SYNGR1: variants seen among roughly 807,000 people sequenced by gnomAD.
SYNGR1 encodes synaptogyrin-1.
SYNGR1 carries 14 observed loss-of-function variants against 26.1 expected under a neutral mutation model. The observed-to-expected ratio is 0.54, with a 90% CI of 0.35 to 0.84. The LOEUF is 0.84. Among genes scored for constraint, SYNGR1 ranks in the 40% least tolerant of loss-of-function variants. SYNGR1 has a pLI of 0.01. For missense variants in SYNGR1, 319 were observed against 332.9 expected, an observed-to-expected ratio of 0.96 and a Z score of 0.33; for synonymous variants, 141 against 150.1, an observed-to-expected ratio of 0.94 and a Z score of 0.44.
intron 3 of SYNGR1, among the ~76,000 whole-genome samples, chr22:39,381,078 G>A (rs1474532038): frequency 1.3e-5 from 2 of 152,128 alleles, no homozygotes; most frequent in South Asian, 2.1e-4. Context: ...GCCTATCAAA[G>A]TTGTGGGATT....
chr22:39,382,291 T>C lies in SYNGR1; in HGVS notation c.*377T>C, dbSNP rs565804843. 2.0e-5 allele frequency: 7 copies of C among 350,078 alleles called. No homozygotes were observed. In the South Asian group the frequency reaches 2.1e-4, roughly 10 times the overall value. 21.7% of individuals were successfully genotyped at this position (350,078 alleles called of 1,614,324 possible). ...TGAGCTGTGGAGGAAGCCCTGGTGGTACCAGAGGCCAGAATGGTGGGAAAG... is the reference window on the plus strand; with the variant it reads ...TGAGCTGTGGAGGAAGCCCTGGTGGCACCAGAGGCCAGAATGGTGGGAAAG... On this transcript the variant is annotated 3_prime_UTR_variant, in exon 4 of 4. Transcript: ENST00000328933.
intron 1 of SYNGR1, among the ~76,000 whole-genome samples, chr22:39,353,072 G>A (rs999101531): frequency 2.0e-5 from 3 of 152,172 alleles, no homozygotes; most frequent in Non-Finnish European, 2.9e-5. Flanking sequence ...ATGTTAGCCA[G>A]GCTGGTCTCG....
chr22:39,367,001 C>T (rs1427252253), intron 1 of SYNGR1, among the ~76,000 whole-genome samples: 2 of 152,188 alleles, frequency 1.3e-5, no homozygotes, highest in East Asian at 1.9e-4. Context: ...TCTTTGCACC[C>T]AAGGCCTTGG....
chr22:39,367,259 C>CTGA (rs1355908455), intron 1 of SYNGR1, among the ~76,000 whole-genome samples: 2 of 152,236 alleles, frequency 1.3e-5, no homozygotes, highest in Non-Finnish European at 2.9e-5. Context: ...GAACGAACGG[C>CTGA]TGATGTCAAG....
At chr22:39,377,615 G>C in intron 3 of SYNGR1, 2 of 1,614,020 alleles carry the variant, frequency 1.2e-6, no homozygotes, top group Non-Finnish European at 1.7e-6. Flanking sequence ...CCGCAGCCCT[G>C]GCCGTGCGGA....
At chr22:39,373,929 G>A (rs1435880845) in intron 1 of SYNGR1, among the ~76,000 whole-genome samples, 1 of 152,236 alleles carries the variant, frequency 6.6e-6, no homozygotes, top group Non-Finnish European at 1.5e-5. Context: ...GTCAGCCTGG[G>A]GGTGGGGGCT....
Position 39,350,181 on chromosome 22 carries a change from A to T in SYNGR1, c.99+72A>T. ...GTGTGAGCAAAGGCGGCGCGCCCGG[A>T]CCGACCCCGACCCCGACCCCAACGG... On this transcript the variant is annotated intron_variant, in intron 1 of 3. Coordinates refer to ENST00000328933, the MANE Select transcript of SYNGR1 (RefSeq NM_004711.5). The surrounding 1 kb of genome is among the most constrained non-coding windows in gnomAD (Gnocchi z 4.3). The T allele has an allele frequency of 1.0e-6, 1 of 955,598 alleles. No homozygotes were observed. The highest frequency in any genetic ancestry group is 1.4e-6 in the Non-Finnish European group (1 of 739,202). The allele number at this position is 955,598 out of a possible 1,614,324, so 59.2% of individuals were successfully genotyped here.
At position 39,381,736 on chromosome 22, in the gene SYNGR1, G is replaced by A. The variant is rs1260388193; in HGVS notation, c.524G>A (p.Gly175Asp). The change falls in exon 4 of 4, where the codon GGC (glycine) becomes GAC (aspartate). Residue 175 changes from glycine (G) to aspartate (D), a missense_variant. Physicochemically the swap from Gly to Asp is moderately conservative, Grantham distance 94. Transcript: ENST00000328933. ...AVLAFQRYQI[G>D]ADSALFSQDY... is the part of the protein sequence containing the mutation. Reference sequence around the variant, plus strand: ...CTGGCCTTCCAGCGGTACCAGATTGGCGCCGACTCGGCCCTCTTCTCCCAG... The same window carrying A: ...CTGGCCTTCCAGCGGTACCAGATTGACGCCGACTCGGCCCTCTTCTCCCAG... 2.5e-6 allele frequency: 4 copies of A among 1,613,392 alleles called. No homozygotes were observed. The highest frequency in any genetic ancestry group is 2.2e-5 in the East Asian group (1 of 44,880).
chr22:39,385,430 C>G lies in SYNGR1; in HGVS notation c.*3516C>G, dbSNP rs1475412932. 3 of 152,774 alleles carry G rather than the reference C, an allele frequency of 2.0e-5. No homozygotes were observed. Among genetic ancestry groups the G allele is most frequent in the Admixed American group, 6.5e-5 (1 of 15,272 alleles). 9.5% of individuals were successfully genotyped at this position (152,774 alleles called of 1,614,324 possible). ...GCGGTCCCCATCCTGGGCCCCCACTCTAGACCCCCCCACCACCTGGTTAAG... is the reference window on the plus strand; with the variant it reads ...GCGGTCCCCATCCTGGGCCCCCACTGTAGACCCCCCCACCACCTGGTTAAG... On this transcript the variant is annotated 3_prime_UTR_variant, in exon 4 of 4. Coordinates refer to ENST00000328933, the MANE Select transcript of SYNGR1 (RefSeq NM_004711.5).
intron 3 of SYNGR1, chr22:39,377,101 C>CT: frequency 6.5e-7 from 1 of 1,544,904 alleles, no homozygotes; most frequent in Non-Finnish European, 8.7e-7. Context: ...CCGGCGAGCA[C>CT]TTCTGGGCCC....
chr22:39,355,714 A>G (rs1924115514), intron 1 of SYNGR1, among the ~76,000 whole-genome samples: 1 of 152,124 alleles, frequency 6.6e-6, no homozygotes, highest in Non-Finnish European at 1.5e-5. Flanking sequence ...AGGCCTCGAG[A>G]GTTTATAAAA....
chr22:39,364,154 G>A (rs112628862), intron 1 of SYNGR1: 9 of 1,611,294 alleles, frequency 5.6e-6, no homozygotes, highest in Middle Eastern at 2.2e-4. Context: ...TTTGCACTGC[G>A]GGACACGGCT....
intron 1 of SYNGR1, among the ~76,000 whole-genome samples, chr22:39,373,740 C>T (rs1925139209): frequency 6.6e-6 from 1 of 152,192 alleles, no homozygotes; most frequent in South Asian, 2.1e-4. Flanking sequence ...ACCTTGGCCT[C>T]CCAAAGTGCT....
At chr22:39,365,840 T>TTTTTTC (rs1175750278) in intron 1 of SYNGR1, among the ~76,000 whole-genome samples, 3 of 151,496 alleles carry the variant, frequency 2.0e-5, no homozygotes, top group African/African-American at 7.3e-5. Flanking sequence ...TTTTTCTTTT[T>TTTTTTC]TTTTTCTTTT....
chr22:39,373,095 C>T (rs939134786), intron 1 of SYNGR1, among the ~76,000 whole-genome samples: 2 of 151,478 alleles, frequency 1.3e-5, no homozygotes, highest in Non-Finnish European at 2.9e-5. Flanking sequence ...TGCAGGGTGC[C>T]CTGTATCTGG....
intron 1 of SYNGR1, among the ~76,000 whole-genome samples, chr22:39,363,551 G>C (rs949539992): frequency 9.2e-5 from 14 of 152,036 alleles, no homozygotes; most frequent in Non-Finnish European, 1.6e-4. Context: ...GAGATCACTG[G>C]GGAGGCTGAG....
chr22:39,368,195 TC>T (rs1255066862), intron 1 of SYNGR1, among the ~76,000 whole-genome samples: 1 of 152,212 alleles, frequency 6.6e-6, no homozygotes, highest in Non-Finnish European at 1.5e-5. Context: ...CACGTGCCCT[TC>T]CTTGCATGCA....
intron 1 of SYNGR1, among the ~76,000 whole-genome samples, chr22:39,357,559 G>A (rs1004769397): frequency 1.3e-5 from 2 of 152,052 alleles, no homozygotes; most frequent in African/African-American, 4.8e-5. Flanking sequence ...GCGGGAACCG[G>A]GGCTGCGTGC....
intron 1 of SYNGR1, among the ~76,000 whole-genome samples, chr22:39,364,523 C>G (rs1707885223): frequency 6.6e-6 from 1 of 152,134 alleles, no homozygotes; most frequent in Non-Finnish European, 1.5e-5. Flanking sequence ...GTAAATAGGT[C>G]CCAGCCAGGA....
Sources: gnomAD v4.1 joint callset for allele counts (sites outside exome capture counted in the v4.1 genomes callset) on GRCh38, gnomAD v4.1.1 for gene constraint, Gnocchi (gnomAD v3.1) non-coding constraint, MANE v1.5 for transcripts, NCBI Gene and HGNC (gene_info 2026-07-23, HGNC 2026-07-21) for gene names.